ATXN2L: variants seen among roughly 807,000 people sequenced by gnomAD.
ATXN2L encodes the protein ataxin-2-like protein.
In ATXN2L, 24 loss-of-function variants were observed where a neutral mutation model predicts 120.7. The ratio of observed to expected loss-of-function variants is 0.20; its 90% CI spans 0.14 to 0.28. The LOEUF is 0.28. ATXN2L is among the 10% of genes least tolerant of loss of function. ATXN2L has a pLI of 1.00. For missense variants in ATXN2L, 1,312 were observed against 1,432.3 expected (o/e 0.92, Z 1.36); for synonymous variants, 653 against 568.1 (o/e 1.15, Z -2.13).
chr16:28,825,745 C>T (rs1157063458), intron 3 of ATXN2L, 25 bp from the exon 4 acceptor site: 4 of 1,613,688 alleles, frequency 2.5e-6, no homozygotes, highest in Middle Eastern at 3.3e-4. Context: ...TGGAGACACT[C>T]TTCTTATTTT....
chr16:28,824,598 A>AC, intron 1 of ATXN2L: 1 of 1,232,468 alleles, frequency 8.1e-7, no homozygotes, highest in Non-Finnish European at 1.1e-6. Context: ...TGGAGGGGAT[A>AC]CCCCTCCTCC....
Position 28,830,795 on chromosome 16 carries a change from G to A in ATXN2L, c.1210+5G>A. On this transcript the variant is annotated splice_donor_5th_base_variant and intron_variant, in intron 9 of 21. Transcript: ENST00000336783. ...AGGCCCGTGGTATCAATGGAGGTGA[G>A]TTATGAGGTGACTTTGAGGAAGAGG... is the stretch of plus-strand genomic sequence containing the variant. 6.3e-7 allele frequency: 1 copy of A among 1,583,446 alleles called. No homozygotes were observed. Among genetic ancestry groups the A allele is most frequent in the Non-Finnish European group, 8.6e-7 (1 of 1,165,862 alleles).
At position 28,825,756 on chromosome 16, in the gene ATXN2L, T is replaced by C; in HGVS notation, c.394-14T>C. 2 of 1,614,042 alleles carry C rather than the reference T, an allele frequency of 1.2e-6. No homozygotes were observed. The highest frequency in any genetic ancestry group is 2.2e-5 in the South Asian group (2 of 91,084). On this transcript the variant is annotated splice_polypyrimidine_tract_variant and intron_variant, in intron 3 of 21. Coordinates refer to ENST00000336783, the MANE Select transcript of ATXN2L (RefSeq NM_007245.4). ...TTTCTGGAGACACTCTTCTTATTTT[T>C]CCCACTCTGCCAGGGCTCCACTTGT... is the stretch of plus-strand genomic sequence containing the variant.
Position 28,830,902 on chromosome 16 carries a change from G to A in ATXN2L, c.1211-60G>A, listed in dbSNP as rs371104114. On this transcript the variant is annotated intron_variant, in intron 9 of 21. Transcript: ENST00000336783. ...GGAATGACGCTGCATCGGTGGGAAT[G>A]TAATAGGTCGTCTGCCTCCTGACAT... The A allele has an allele frequency of 1.6e-3, 2,212 of 1,350,334 alleles. 25 individuals are homozygous for A. The highest frequency in any genetic ancestry group is 0.014 in the South Asian group (1,073 of 79,284). The allele number at this position is 1,350,334 out of a possible 1,614,324, so 83.6% of individuals were successfully genotyped here.
intron 5 of ATXN2L, 92 bp downstream of exon 5, chr16:28,826,482 GT>G: frequency 7.0e-7 from 1 of 1,436,046 alleles, no homozygotes; most frequent in Non-Finnish European, 9.5e-7. Flanking sequence ...GATGTGTTTG[GT>G]TTGTTTTTTT....
chr16:28,827,083 GC>G, intron 6 of ATXN2L, 97 bp downstream of exon 6: 1 of 1,201,324 alleles, frequency 8.3e-7, no homozygotes, highest in Non-Finnish European at 1.1e-6. Flanking sequence ...ATTTACTGTT[GC>G]CCATTGATGG....
At chr16:28,828,026 C>G (rs991620827) in intron 6 of ATXN2L, among the ~76,000 whole-genome samples, 1 of 152,202 alleles carries the variant, frequency 6.6e-6, no homozygotes, top group South Asian at 2.1e-4. Context: ...AGATCTAGTT[C>G]TTTGCTTCTA....
chr16:28,832,344 T>A lies in ATXN2L; in HGVS notation c.1461T>A (p.Pro487=), dbSNP rs1187768514. 1.7e-5 allele frequency: 28 copies of A among 1,614,128 alleles called. No individual in the cohort carries two copies. The highest frequency in any genetic ancestry group is 2.7e-5 in the African/African-American group (2 of 74,936). ...SIPVTSSVSD[P]GVGSISPASP... ...CTGTGACCTCATCAGTCTCAGATCC[T>A]GGAGTGGGCTCCATTTCTCCAGCTT... Residue 487 remains proline (P), a synonymous_variant, in exon 11 of 22, where the codon CCT becomes CCA. Transcript: ENST00000336783.
At chr16:28,823,842 A>G (rs1203663999) in intron 1 of ATXN2L, 2 of 307,872 alleles carry the variant, frequency 6.5e-6, no homozygotes, top group Non-Finnish European at 1.2e-5. Context: ...CGCCGTCGGA[A>G]CGGGGAGTTG....
intron 6 of ATXN2L, among the ~76,000 whole-genome samples, chr16:28,827,630 G>T (rs1466575988): frequency 2.6e-5 from 4 of 152,166 alleles, no homozygotes; most frequent in Admixed American, 2.6e-4. Context: ...CCAGCTACTT[G>T]GGAGGCCAAG....
At chr16:28,831,622 C>T (rs1446091810) in intron 10 of ATXN2L, among the ~76,000 whole-genome samples, 1 of 152,190 alleles carries the variant, frequency 6.6e-6, no homozygotes, top group Admixed American at 6.5e-5. Flanking sequence ...GCCACCACAC[C>T]CTGCCAGTTG....
chr16:28,834,988 G>T, intron 18 of ATXN2L, 70 bp from the exon 19 acceptor site: 12 of 1,562,686 alleles, frequency 7.7e-6, no homozygotes, highest in East Asian at 2.2e-5. Flanking sequence ...TGCTGTGCAC[G>T]CAGTGACTGG....
chr16:28,832,715 T>C (rs2054967177), intron 12 of ATXN2L, 102 bp from the exon 13 acceptor site: 12 of 1,423,968 alleles, frequency 8.4e-6, no homozygotes, highest in Non-Finnish European at 1.1e-5. Context: ...CAAGAGTTTC[T>C]CTTTTTTCTT....
At chr16:28,827,108 A>G (rs913119094) in intron 6 of ATXN2L, 122 bp downstream of exon 6, 5 of 1,058,086 alleles carry the variant, frequency 4.7e-6, no homozygotes, top group Non-Finnish European at 6.3e-6. Flanking sequence ...TCAGATAACA[A>G]ATAGAAAGGT....
chr16:28,834,154 A>C lies in ATXN2L; in HGVS notation c.2115A>C (p.Leu705=), dbSNP rs770825694. 12 of 1,613,976 alleles carry C rather than the reference A, an allele frequency of 7.4e-6. No individual in the cohort carries two copies. The Admixed American group carries it at 1.0e-4, about 13-fold the overall frequency. The stretch of plus-strand genomic sequence containing the variant: ...TGCTGACAGCAGGCCAGAGTGGGCT[A>C]TACAGCCCCCAGTACATCTCCTACA... ...IPVLTAGQSG[L]YSPQYISYIP... Residue 705 remains leucine (L), a synonymous_variant, in exon 16 of 22, where the codon CTA becomes CTC. Coordinates refer to ENST00000336783, the MANE Select transcript of ATXN2L (RefSeq NM_007245.4).
chr16:28,824,243 G>C (rs1432487565), intron 1 of ATXN2L: 1 of 1,111,814 alleles, frequency 9.0e-7, no homozygotes, highest in Non-Finnish European at 1.1e-6. Context: ...GGCTCGTCTG[G>C]TGGCAGTGCA....
chr16:28,823,215 T>TCTCTCCCTC lies in ATXN2L; in HGVS notation c.-43_-35dup, dbSNP rs751326719. The TCTCTCCCTC allele has an allele frequency of 3.3e-5, 32 of 980,364 alleles. No homozygotes were observed. The highest frequency in any genetic ancestry group is 4.0e-5 in the Non-Finnish European group (31 of 766,502). 60.7% of individuals were successfully genotyped at this position (980,364 alleles called of 1,614,324 possible). On this transcript the variant is annotated 5_prime_UTR_variant, in exon 1 of 22. Coordinates refer to ENST00000336783, the MANE Select transcript of ATXN2L (RefSeq NM_007245.4). ...CAGCGGGGCCCCAGCCCCGGCCCCC[T>TCTCTCCCTC]CTCTCCCTCCCTTCTCTCTAATTCC... is the stretch of plus-strand genomic sequence containing the variant.
chr16:28,830,479 A>G (rs571702637), intron 8 of ATXN2L, 136 bp from the exon 9 acceptor site: 12 of 823,226 alleles, frequency 1.5e-5, no homozygotes, highest in South Asian at 9.7e-5. Flanking sequence ...CAGATCTTCA[A>G]GTGGGATGGT....
chr16:28,826,888 A>T lies in ATXN2L; in HGVS notation c.643A>T (p.Met215Leu), dbSNP rs1430335946. Reference protein sequence around the residue: ...KDKFTDSAIAMNSKVNGEHKE... With the variant: ...KDKFTDSAIALNSKVNGEHKE... Reference sequence around the variant, plus strand: ...CAAGTTCACCGATTCAGCCATTGCCATGAACTCGAAAGTGAATGGGGAACA... The same window carrying T: ...CAAGTTCACCGATTCAGCCATTGCCTTGAACTCGAAAGTGAATGGGGAACA... The change falls in exon 6 of 22, where the codon ATG becomes TTG. Residue 215 changes from methionine (M) to leucine (L), a missense_variant. Physicochemically the swap from Met to Leu is conservative, Grantham distance 15. Transcript: ENST00000336783. The T allele has an allele frequency of 6.3e-7, 1 of 1,595,730 alleles. No individual in the cohort carries two copies.
Sources: allele counts gnomAD v4.1 joint callset (sites outside exome capture counted in the v4.1 genomes callset), GRCh38; gene constraint gnomAD v4.1.1; transcripts MANE v1.5; gene names NCBI Gene and HGNC (gene_info 2026-07-23, HGNC 2026-07-21).